CHRM3: variants seen among roughly 807,000 people sequenced by gnomAD.
CHRM3 encodes the protein cholinergic receptor muscarinic 3, also known as muscarinic acetylcholine receptor M3.
In CHRM3, 11 loss-of-function variants were observed where a neutral mutation model predicts 41.8. The observed-to-expected ratio is 0.26, with a 90% CI of 0.17 to 0.44. CHRM3 has a LOEUF of 0.44. CHRM3 is among the 20% of genes least tolerant of loss of function. The probability of loss-of-function intolerance (pLI) is 1.00; values close to 1 mark genes in which losing one functional copy is unlikely to be tolerated. For synonymous variants in CHRM3, 297 were observed against 301.4 expected (o/e 0.99, Z 0.15); for missense variants, 571 against 745.4 (o/e 0.77, Z 2.72).
At chr1:239,409,834 C>G (rs927779991) in intron 1 of CHRM3, among the ~76,000 whole-genome samples, 7 of 152,244 alleles carry the variant, frequency 4.6e-5, no homozygotes, top group African/African-American at 1.7e-4. Flanking sequence ...CCCAGCTACT[C>G]TCGAGGCTGA....
chr1:239,865,182 C>T (rs1248706565), intron 6 of CHRM3, among the ~76,000 whole-genome samples: 1 of 152,152 alleles, frequency 6.6e-6, no homozygotes, highest in African/African-American at 2.4e-5. Flanking sequence ...GGAATCTCCT[C>T]TGTGATATAT....
chr1:239,691,913 C>T (rs181589708), intron 5 of CHRM3, among the ~76,000 whole-genome samples: 6 of 152,236 alleles, frequency 3.9e-5, no homozygotes, highest in Non-Finnish European at 7.4e-5. Flanking sequence ...GTCATGAAAT[C>T]AAAGAGTACT....
intron 5 of CHRM3, among the ~76,000 whole-genome samples, chr1:239,814,243 A>G (rs2149001928): frequency 6.6e-6 from 1 of 152,150 alleles, no homozygotes; most frequent in South Asian, 2.1e-4. Context: ...AGTATTTTAA[A>G]TTCATGCGCA....
intron 1 of CHRM3, among the ~76,000 whole-genome samples, chr1:239,459,569 C>A (rs973137631): frequency 6.6e-6 from 1 of 152,154 alleles, no homozygotes; most frequent in African/African-American, 2.4e-5. Context: ...TGCTATACAT[C>A]TTCAATTAAG....
At chr1:239,571,873 G>A (rs1418814304) in intron 3 of CHRM3, among the ~76,000 whole-genome samples, 2 of 152,010 alleles carry the variant, frequency 1.3e-5, no homozygotes, top group African/African-American at 4.8e-5. Flanking sequence ...TTTCCCCCTA[G>A]AGTTCAACCT....
intron 1 of CHRM3, among the ~76,000 whole-genome samples, chr1:239,418,317 G>A (rs1338107278): frequency 6.6e-6 from 1 of 151,540 alleles, no homozygotes; most frequent in East Asian, 1.9e-4. Flanking sequence ...ACTTTTAGCA[G>A]TGCTTAGATG....
chr1:239,816,498 G>A (rs1671594825), intron 5 of CHRM3, among the ~76,000 whole-genome samples: 1 of 152,114 alleles, frequency 6.6e-6, no homozygotes, highest in Non-Finnish European at 1.5e-5. Flanking sequence ...GGCACAGGCA[G>A]AAGAGGGAGG....
intron 2 of CHRM3, among the ~76,000 whole-genome samples, chr1:239,534,020 T>C (rs1173784160): frequency 6.6e-6 from 1 of 151,974 alleles, no homozygotes; most frequent in Non-Finnish European, 1.5e-5. Context: ...TCACCATGAG[T>C]GTTGAAATGA....
At chr1:239,697,360 C>G (rs900914736) in intron 5 of CHRM3, among the ~76,000 whole-genome samples, 1 of 152,190 alleles carries the variant, frequency 6.6e-6, no homozygotes, top group Admixed American at 6.5e-5. Context: ...TCCTCCTTGC[C>G]TTCCACCATG....
At chr1:239,707,107 A>G (rs1033296819) in intron 5 of CHRM3, 18 of 152,322 alleles carry the variant, frequency 1.2e-4, no homozygotes, top group African/African-American at 3.6e-4. Context: ...AACGAACCTT[A>G]CAGACTTTGG....
intron 3 of CHRM3, among the ~76,000 whole-genome samples, chr1:239,604,803 G>T (rs974045460): frequency 6.6e-6 from 1 of 152,166 alleles, no homozygotes; most frequent in South Asian, 2.1e-4. Flanking sequence ...TACAATGGGG[G>T]AAAGAAGCGT....
At chr1:239,573,486 T>C (rs922896984) in intron 3 of CHRM3, among the ~76,000 whole-genome samples, 1 of 152,146 alleles carries the variant, frequency 6.6e-6, no homozygotes, top group African/African-American at 2.4e-5. Flanking sequence ...AACCAGTTAC[T>C]AAAGTCTTTT....
At chr1:239,404,422 GAAAGAAAGA>G (rs1660362399) in intron 1 of CHRM3, among the ~76,000 whole-genome samples, 1 of 90,844 alleles carries the variant, frequency 1.1e-5, no homozygotes, top group African/African-American at 4.9e-5. Context: ...AAGAAAGAAA[GAAAGAAAGA>G]AAGAAAGAAA....
intron 6 of CHRM3, among the ~76,000 whole-genome samples, chr1:239,867,685 C>A (rs1412530430): frequency 9.3e-3 from 1,244 of 133,926 alleles, no homozygotes; most frequent in Middle Eastern, 0.011. Context: ...GACTCTGTCT[C>A]AAAAAAAAAA....
At chr1:239,754,395 A>T (rs73122559) in intron 5 of CHRM3, among the ~76,000 whole-genome samples, 111 of 152,266 alleles carry the variant, frequency 7.3e-4, no homozygotes, top group African/African-American at 2.3e-3. Context: ...ATAGACATTT[A>T]GGCAGATCTT....
At chr1:239,882,634 A>G (rs1324500643) in intron 6 of CHRM3, among the ~76,000 whole-genome samples, 1 of 152,228 alleles carries the variant, frequency 6.6e-6, no homozygotes, top group African/African-American at 2.4e-5. Context: ...ACAATTGCTA[A>G]CTGGCATGGA....
At chr1:239,880,558 T>A (rs1389919579) in intron 6 of CHRM3, among the ~76,000 whole-genome samples, 1 of 152,192 alleles carries the variant, frequency 6.6e-6, no homozygotes, top group Non-Finnish European at 1.5e-5. Context: ...TGCAGCAGCA[T>A]GAAGATAATT....
chr1:239,403,776 A>G (rs1316374132), intron 1 of CHRM3, among the ~76,000 whole-genome samples: 2 of 151,852 alleles, frequency 1.3e-5, no homozygotes, highest in African/African-American at 4.8e-5. Flanking sequence ...TATACATCAT[A>G]ATCATATGGG....
At position 239,834,232 on chromosome 1, in the gene CHRM3, C is replaced by T. The variant is rs937267497; in HGVS notation, c.-20+6854C>T. On this transcript the variant is annotated intron_variant, in intron 6 of 6. Coordinates refer to ENST00000676153, the MANE Select transcript of CHRM3 (RefSeq NM_001375978.1). ...GCACACTCAACAATTAGAGAAAAAGCAAAGTAGTACATGTTTAAATGTTCA... is the reference window on the plus strand; with the variant it reads ...GCACACTCAACAATTAGAGAAAAAGTAAAGTAGTACATGTTTAAATGTTCA... Among the ~76,000 whole-genome samples the T allele has an allele frequency of 4.7e-5, 7 of 147,540 alleles. No individual in the cohort carries two copies. The Middle Eastern group carries it at 0.014, about 297-fold the overall frequency.
Sources: allele counts gnomAD v4.1 joint callset (sites outside exome capture counted in the v4.1 genomes callset), GRCh38; gene constraint gnomAD v4.1.1; transcripts MANE v1.5; gene names NCBI Gene and HGNC (gene_info 2026-07-23, HGNC 2026-07-21).